COBLL1: variants seen among roughly 807,000 people sequenced by gnomAD.
The protein encoded by COBLL1 is cordon-bleu protein-like 1.
A neutral mutation model predicts 94.8 loss-of-function variants in COBLL1; 50 were observed. That is an observed-to-expected ratio of 0.53 (90% CI 0.42 to 0.67). The LOEUF (loss-of-function observed/expected upper bound fraction) is 0.67. COBLL1 is among the 30% of genes least tolerant of loss of function. COBLL1 has a pLI of 0.00. For synonymous variants in COBLL1, 448 were observed against 473.8 expected, an observed-to-expected ratio of 0.95 and a Z score of 0.71; for missense variants, 1,362 against 1,348.7, an observed-to-expected ratio of 1.01 and a Z score of -0.15.
intron 2 of COBLL1, among the ~76,000 whole-genome samples, chr2:164,657,968 G>C (rs1326018248): frequency 1.3e-5 from 2 of 152,028 alleles, no homozygotes; most frequent in Non-Finnish European, 2.9e-5. Context: ...CCATACAAAG[G>C]GAGGGGACCC....
At chr2:164,823,743 C>T (rs892791111) in intron 2 of COBLL1, among the ~76,000 whole-genome samples, 2 of 152,178 alleles carry the variant, frequency 1.3e-5, no homozygotes, top group African/African-American at 4.8e-5. Context: ...ACATCTTATA[C>T]AGATTTCTCA....
At chr2:164,755,501 C>A (rs976003424) in intron 2 of COBLL1, among the ~76,000 whole-genome samples, 1 of 152,090 alleles carries the variant, frequency 6.6e-6, no homozygotes, top group Non-Finnish European at 1.5e-5. Context: ...CAAATCTTCC[C>A]CTTTTACTAC....
Position 164,694,734 on chromosome 2 carries a change from C to T in COBLL1, c.2658G>A (p.Lys886=), listed in dbSNP as rs1301708697. 6.2e-7 allele frequency: 1 copy of T among 1,613,832 alleles called. No homozygotes were observed. Among genetic ancestry groups the T allele is most frequent in the Non-Finnish European group, 8.5e-7 (1 of 1,179,946 alleles). Residue 886 remains lysine (K), a synonymous_variant, in exon 12 of 14, where the codon AAG becomes AAA. Coordinates refer to ENST00000652658, the MANE Select transcript of COBLL1 (RefSeq NM_001365672.2). ...SGHYVTSAAA[K]SVHAAPNPAP... Reference sequence around the variant, plus strand: ...CAGGATTAGGGGCAGCATGGACACTCTTGGCAGCTGCAGATGTCACATAGT... The same window carrying T: ...CAGGATTAGGGGCAGCATGGACACTTTTGGCAGCTGCAGATGTCACATAGT...
chr2:164,761,807 A>T (rs13008381), intron 2 of COBLL1, among the ~76,000 whole-genome samples: 11,209 of 152,202 alleles, frequency 0.074, 448 homozygotes, highest in African/African-American at 0.085. Context: ...TCTTCACTCA[A>T]ATTCTCTCCT....
rs185033718 is a variant in COBLL1 at position 164,694,292 on chromosome 2, G to A, written c.3100C>T (p.Pro1034Ser). ...ACCTTATCAGACACACCAAGCTGTGGGATGTCCACAAATTTATTTACAGAA... is the reference window on the plus strand; with the variant it reads ...ACCTTATCAGACACACCAAGCTGTGAGATGTCCACAAATTTATTTACAGAA... Reference protein sequence around the residue: ...THSVNKFVDIPQLGVSDKENN... With the variant: ...THSVNKFVDISQLGVSDKENN... The change falls in exon 12 of 14, where the codon CCA (proline) becomes TCA (serine). Residue 1034 changes from proline (P) to serine (S), a missense_variant. Physicochemically the swap from Pro to Ser is moderately conservative, Grantham distance 74. Transcript: ENST00000652658. 1 of 1,613,628 alleles carries A rather than the reference G, an allele frequency of 6.2e-7. No individual in the cohort carries two copies. The highest frequency in any genetic ancestry group is 1.1e-5 in the South Asian group (1 of 91,044).
intron 2 of COBLL1, among the ~76,000 whole-genome samples, chr2:164,746,241 T>G (rs1686852046): frequency 6.6e-6 from 1 of 152,108 alleles, no homozygotes; most frequent in Non-Finnish European, 1.5e-5. Flanking sequence ...GTGTCCCTGC[T>G]CCCAACCTTG....
At chr2:164,766,109 A>G (rs933364460) in intron 2 of COBLL1, among the ~76,000 whole-genome samples, 3 of 152,154 alleles carry the variant, frequency 2.0e-5, no homozygotes, top group Non-Finnish European at 4.4e-5. Flanking sequence ...CCCGTGTTGT[A>G]GCATATATCC....
chr2:164,723,176 T>G (rs934610985), intron 5 of COBLL1: 1 of 152,136 alleles, frequency 6.6e-6, no homozygotes, highest in Admixed American at 6.5e-5. Context: ...ACATAGCACA[T>G]TGCAAAAGAC....
chr2:164,688,985 A>G (rs1038910851), intron 13 of COBLL1, among the ~76,000 whole-genome samples: 6 of 152,170 alleles, frequency 3.9e-5, no homozygotes, highest in African/African-American at 1.4e-4. Context: ...GCCAAGGGTA[A>G]TGAATTAATC....
At chr2:164,705,170 A>G in intron 7 of COBLL1, 65 bp from the exon 8 acceptor site, 4 of 1,297,800 alleles carry the variant, frequency 3.1e-6, no homozygotes, top group Non-Finnish European at 4.1e-6. Context: ...TTAGGAAGAC[A>G]CTGAACTTTA....
At position 164,841,139 on chromosome 2, in the gene COBLL1, C is replaced by G; in HGVS notation, c.41+17G>C. The G allele has an allele frequency of 8.1e-7, 1 of 1,229,574 alleles. No individual in the cohort carries two copies. The highest frequency in any genetic ancestry group is 1.0e-6 in the Non-Finnish European group (1 of 986,528). 76.2% of individuals were successfully genotyped at this position (1,229,574 alleles called of 1,614,324 possible). The stretch of plus-strand genomic sequence containing the variant: ...TCGCCCTCCCCGGTGAGAGGCGGCG[C>G]GGCGCTCTGGGCTTACCTGGCTGGG... On this transcript the variant is annotated intron_variant, in intron 2 of 13. Transcript: ENST00000652658. The surrounding 1 kb of genome is among the most constrained non-coding windows in gnomAD (Gnocchi z 5.5).
intron 2 of COBLL1, among the ~76,000 whole-genome samples, chr2:164,751,677 C>T (rs1687133074): frequency 6.6e-6 from 1 of 152,056 alleles, no homozygotes. Context: ...TGAAAACCCA[C>T]CAAATCCCCC....
intron 7 of COBLL1, among the ~76,000 whole-genome samples, chr2:164,710,295 T>A (rs1684820821): frequency 1.3e-5 from 2 of 152,074 alleles, no homozygotes; most frequent in Non-Finnish European, 2.9e-5. Flanking sequence ...AGAAGGGACA[T>A]TTAAGTTAGG....
At chr2:164,687,820 T>C in intron 13 of COBLL1, 1 of 397,414 alleles carries the variant, frequency 2.5e-6, no homozygotes, top group East Asian at 4.9e-5. Context: ...TAAATGTTTC[T>C]GTGTACAGGA....
intron 2 of COBLL1, among the ~76,000 whole-genome samples, chr2:164,823,655 G>A (rs576359580): frequency 6.6e-6 from 1 of 152,312 alleles, no homozygotes; most frequent in Admixed American, 6.5e-5. Flanking sequence ...TCTCATAGAT[G>A]ACTTCTCGTT....
chr2:164,695,680 T>A lies in COBLL1; in HGVS notation c.1712A>T (p.Asp571Val). The change falls in exon 12 of 14, where the codon GAT (aspartate) becomes GTT (valine). Residue 571 changes from aspartate to valine, a missense_variant. Transcript: ENST00000652658. ...GTTTTCCTTGTAACTTATAGCAGTA[T>A]CAGTTTCATGTGCCTCAGAGTTTGA... ...RPSNSEAHET[D>V]TAISYKENHL... 1 of 1,613,928 alleles carries A rather than the reference T, an allele frequency of 6.2e-7. No homozygotes were observed. The highest frequency in any genetic ancestry group is 1.1e-5 in the South Asian group (1 of 91,068).
intron 2 of COBLL1, among the ~76,000 whole-genome samples, chr2:164,789,153 G>A (rs1476268784): frequency 1.3e-5 from 2 of 151,792 alleles, no homozygotes; most frequent in East Asian, 3.9e-4. Flanking sequence ...ATCCAGCCTG[G>A]ACAAGTCCTG....
At chr2:164,796,882 G>A (rs748327646) in intron 2 of COBLL1, among the ~76,000 whole-genome samples, 6 of 152,058 alleles carry the variant, frequency 3.9e-5, no homozygotes, top group Non-Finnish European at 8.8e-5. Flanking sequence ...GGCTGAGGCA[G>A]GAGGATTGCC....
rs184549059 is a variant in COBLL1 at position 164,658,548 on chromosome 2, T to C, written n.182-4634A>G. Among the ~76,000 whole-genome samples the C allele has an allele frequency of 5.3e-5, 8 of 152,314 alleles. No homozygotes were observed. The East Asian group carries it at 1.2e-3, about 22-fold the overall frequency. On this transcript the variant is annotated intron_variant and non_coding_transcript_variant, in intron 2 of 2. Transcript: ENST00000495084. ...GGTTAAAGATATAGGGATTGAAATG[T>C]ATGGCCTGCAGTGCAGGGGATTATT...
Sources: allele counts gnomAD v4.1 joint callset (sites outside exome capture counted in the v4.1 genomes callset), GRCh38; gene constraint gnomAD v4.1.1; non-coding constraint Gnocchi (gnomAD v3.1); transcripts MANE v1.5; gene names NCBI Gene and HGNC (gene_info 2026-07-23, HGNC 2026-07-21).